KLHDC2: variants seen among roughly 807,000 people sequenced by gnomAD.
The protein encoded by KLHDC2 is kelch domain containing 2.
Under a neutral mutation model 62.3 loss-of-function variants are expected in KLHDC2, and 38 were observed. That is an observed-to-expected ratio of 0.61 (90% CI 0.47 to 0.80). KLHDC2 has a LOEUF of 0.80. KLHDC2 is among the 30% of genes least tolerant of loss of function. The pLI, the probability that KLHDC2 is intolerant of heterozygous loss-of-function variation, is 0.00. For missense variants in KLHDC2, 430 were observed against 495.3 expected (o/e 0.87, Z 1.25); for synonymous variants, 159 against 161.0 (o/e 0.99, Z 0.09).
intron 2 of KLHDC2, among the ~76,000 whole-genome samples, chr14:49,773,716 A>G (rs1889713222): frequency 6.6e-6 from 1 of 151,256 alleles, no homozygotes; most frequent in Non-Finnish European, 1.5e-5. Flanking sequence ...AGCTGGGACT[A>G]CAGGCGCCCG....
intron 2 of KLHDC2, among the ~76,000 whole-genome samples, chr14:49,773,663 G>T (rs992385529): frequency 1.4e-5 from 2 of 143,088 alleles, no homozygotes; most frequent in African/African-American, 5.2e-5. Flanking sequence ...TGCAAGCTCC[G>T]CCTCCTGGCT....
chr14:49,784,945 C>A lies in KLHDC2; in HGVS notation c.*1992C>A. 2 of 1,613,790 alleles carry A rather than the reference C, an allele frequency of 1.2e-6. No homozygotes were observed. Among genetic ancestry groups the A allele is most frequent in the Non-Finnish European group, 1.7e-6 (2 of 1,179,854 alleles). On this transcript the variant is annotated 3_prime_UTR_variant, in exon 13 of 13. Transcript: ENST00000298307. ...TTTACCTTTACGCTGCGGAATAAGT[C>A]TTTTTCTCTTGCTGTTGCTTCTTTG...
At chr14:49,782,650 T>C in intron 12 of KLHDC2, 56 bp downstream of exon 12, 1 of 1,455,252 alleles carries the variant, frequency 6.9e-7, no homozygotes, top group Non-Finnish European at 9.4e-7. Flanking sequence ...TCCTAAGACT[T>C]AGCACTCTCG....
Position 49,768,591 on chromosome 14 carries a change from G to T in KLHDC2, c.123G>T (p.Gly41=). 1.2e-6 allele frequency: 2 copies of T among 1,602,704 alleles called. No homozygotes were observed. Among genetic ancestry groups the T allele is most frequent in the Non-Finnish European group, 1.7e-6 (2 of 1,175,590 alleles). Residue 41 remains glycine, a synonymous_variant, in exon 1 of 13, where the codon GGG becomes GGT. Coordinates refer to ENST00000298307, the MANE Select transcript of KLHDC2 (RefSeq NM_014315.3). ...GCGGCCACGTAGCCGTCAGCGACGG[G>T]CGCCACATGTTCGTCTGGGGCGGCT... ...ERSGHVAVSD[G]RHMFVWGGYK...
In KLHDC2 at chr14:49,771,623, T is replaced by C. The variant is rs1255005833; in HGVS notation, c.183T>C (p.Phe61=). Residue 61 remains phenylalanine (F), a synonymous_variant, in exon 2 of 13, where the codon TTT becomes TTC. Coordinates refer to ENST00000298307, the MANE Select transcript of KLHDC2 (RefSeq NM_014315.3). The part of the protein sequence containing the change: ...KSNQVRGLYD[F]YLPREELWIY... ...ATCAAGTCAGAGGATTATATGACTT[T>C]TATCTGCCTAGAGAAGAACTATGGA... The C allele has an allele frequency of 1.3e-6, 2 of 1,524,562 alleles. No individual in the cohort carries two copies. The highest frequency in any genetic ancestry group is 4.5e-5 in the East Asian group (2 of 44,504). The allele number at this position is 1,524,562 out of a possible 1,614,324, so 94.4% of individuals were successfully genotyped here.
Sources: gnomAD v4.1 joint callset for allele counts (sites outside exome capture counted in the v4.1 genomes callset) on GRCh38, gnomAD v4.1.1 for gene constraint, MANE v1.5 for transcripts, NCBI Gene and HGNC (gene_info 2026-07-23, HGNC 2026-07-21) for gene names.